WDFY4: variants seen among roughly 807,000 people sequenced by gnomAD.
The protein encoded by WDFY4 is WDFY family member 4.
WDFY4 carries 169 observed loss-of-function variants against 351.9 expected under a neutral mutation model. The observed-to-expected ratio is 0.48, with a 90% confidence interval of 0.42 to 0.55. WDFY4 has a LOEUF of 0.55. WDFY4 is among the 20% of genes least tolerant of loss of function. WDFY4 has a pLI of 0.00. For synonymous variants in WDFY4, 1,622 were observed against 1,574.6 expected (o/e 1.03, Z -0.71); for missense variants, 3,803 against 3,935.6 (o/e 0.97, Z 0.90).
At position 48,982,579 on chromosome 10, in the gene WDFY4, G is replaced by T. The variant is rs1469038828; in HGVS notation, c.*4G>T. 5.8e-6 allele frequency: 9 copies of T among 1,549,862 alleles called. No individual in the cohort carries two copies. In the East Asian group the frequency reaches 1.2e-4, roughly 21 times the overall value. On this transcript the variant is annotated 3_prime_UTR_variant, in exon 62 of 62. Transcript: ENST00000325239. ...CTGCTGGTCTGCAGATGGGTAGGAA[G>T]AGAGAGGCAGCAGAGGCTCTGGCAC... is the stretch of plus-strand genomic sequence containing the variant.
Position 48,826,844 on chromosome 10 carries a change from C to T in WDFY4, c.6156C>T (p.Thr2052=), listed in dbSNP as rs369763093. 174 of 1,551,720 alleles carry T rather than the reference C, an allele frequency of 1.1e-4. No individual in the cohort carries two copies. Among genetic ancestry groups the T allele is most frequent in the Middle Eastern group, 1.7e-4 (1 of 6,014 alleles). ...AGCACTGGGATGTTGTCTTTGCCACCTACAATTCCAACATCAGCTTCCTCC... is the reference window on the plus strand; with the variant it reads ...AGCACTGGGATGTTGTCTTTGCCACTTACAATTCCAACATCAGCTTCCTCC... The part of the protein sequence containing the change: ...LQEHWDVVFA[T]YNSNISFLLC... Residue 2052 remains threonine (T), a synonymous_variant, in exon 36 of 62, where the codon ACC becomes ACT. Coordinates refer to ENST00000325239, the MANE Select transcript of WDFY4 (RefSeq NM_001394531.1).
chr10:48,803,198 C>A, intron 24 of WDFY4, 88 bp from the exon 25 acceptor site: 4 of 1,280,630 alleles, frequency 3.1e-6, no homozygotes, highest in South Asian at 1.3e-5. Context: ...CAGAGGATCA[C>A]CTGTCCAGCA....
chr10:48,910,253 C>T lies in WDFY4; in HGVS notation c.7586+8390C>T, dbSNP rs764699947. 3.0e-5 allele frequency: 49 copies of T among 1,612,114 alleles called. No individual in the cohort carries two copies. Among genetic ancestry groups the T allele is most frequent in the Admixed American group, 3.3e-5 (2 of 59,956 alleles). ...ACAGCTACTCTAGGAAGATGTCAAG[C>T]GTATTCTGGGGATGGAGACACAAGA... is the stretch of plus-strand genomic sequence containing the variant. On this transcript the variant is annotated intron_variant, in intron 47 of 61. Transcript: ENST00000325239.
chr10:48,826,634 C>A (rs2068020607), intron 35 of WDFY4, 37 bp from the exon 36 acceptor site: 1 of 1,481,774 alleles, frequency 6.7e-7, no homozygotes, highest in African/African-American at 1.4e-5. Flanking sequence ...AAAGCACTCA[C>A]AAGTTTGTGT....
chr10:48,977,477 C>T (rs1180978550), intron 59 of WDFY4, among the ~76,000 whole-genome samples: 1 of 151,944 alleles, frequency 6.6e-6, no homozygotes, highest in African/African-American at 2.4e-5. Context: ...ATGTATCCCT[C>T]CATGTATCCA....
At chr10:48,975,126 G>A (rs867346317) in intron 58 of WDFY4, 85 bp downstream of exon 58, 1 of 1,533,314 alleles carries the variant, frequency 6.5e-7, no homozygotes, top group East Asian at 2.4e-5. Context: ...CAGAGACACA[G>A]AGACTCTAGC....
Position 48,736,025 on chromosome 10 carries a change from C to G in WDFY4, c.1833C>G (p.Cys611Trp). 6.4e-7 allele frequency: 1 copy of G among 1,551,834 alleles called. No homozygotes were observed. The highest frequency in any genetic ancestry group is 1.2e-5 in the South Asian group (1 of 84,066). The change falls in exon 11 of 62, where the codon TGC becomes TGG. Residue 611 changes from cysteine to tryptophan, a missense_variant. Transcript: ENST00000325239. ...EYMSIIVGAL[C>W]SSTQGELQLK... is the part of the protein sequence containing the mutation. ...TGAGCATCATTGTGGGTGCTCTATG[C>G]TCATCCACTCAAGGGGAGCTGCAGC...
chr10:48,892,842 G>T (rs1836882697), intron 44 of WDFY4, among the ~76,000 whole-genome samples: 1 of 152,168 alleles, frequency 6.6e-6, no homozygotes, highest in Admixed American at 6.5e-5. Context: ...TTTGCACTTT[G>T]CACTTTGGAA....
intron 15 of WDFY4, 101 bp downstream of exon 15, chr10:48,775,907 T>G: frequency 9.0e-7 from 1 of 1,116,690 alleles, no homozygotes; most frequent in Admixed American, 2.1e-5. Flanking sequence ...GCAAACAGGT[T>G]TAAACATGGT....
At chr10:48,725,023 G>T (rs1373119598) in intron 5 of WDFY4, among the ~76,000 whole-genome samples, 1 of 152,182 alleles carries the variant, frequency 6.6e-6, no homozygotes, top group Admixed American at 6.5e-5. Flanking sequence ...CAGGGTCTGA[G>T]GAGGTAGTGT....
intron 51 of WDFY4, among the ~76,000 whole-genome samples, chr10:48,955,623 G>A (rs1841550525): frequency 6.6e-6 from 1 of 152,236 alleles, no homozygotes; most frequent in African/African-American, 2.4e-5. Flanking sequence ...AGTGTACTTT[G>A]AGGAGCCTCC....
intron 29 of WDFY4, 63 bp from the exon 30 acceptor site, chr10:48,811,476 G>T: frequency 6.8e-7 from 1 of 1,478,236 alleles, no homozygotes; most frequent in Non-Finnish European, 9.2e-7. Context: ...TGTGTGTCCA[G>T]GCCCCACCTT....
At chr10:48,737,053 C>G (rs755130051) in intron 11 of WDFY4, among the ~76,000 whole-genome samples, 1 of 152,176 alleles carries the variant, frequency 6.6e-6, no homozygotes, top group Non-Finnish European at 1.5e-5. Flanking sequence ...TGTTGCTGTT[C>G]CTTTTTTACA....
chr10:48,731,508 C>T lies in WDFY4; in HGVS notation c.1528C>T (p.Leu510=). The T allele has an allele frequency of 6.4e-7, 1 of 1,551,514 alleles. No homozygotes were observed. The highest frequency in any genetic ancestry group is 8.7e-7 in the Non-Finnish European group (1 of 1,146,984). The change falls in exon 9 of 62, where the codon CTG becomes TTG. Residue 510 remains leucine, a synonymous_variant. Coordinates refer to ENST00000325239, the MANE Select transcript of WDFY4 (RefSeq NM_001394531.1). ...CGACATCTTCCGGGACTCAGGGCTC[C>T]TGGGCCTGCTACTGGCACAGCTTCG... is the stretch of plus-strand genomic sequence containing the variant. ...FTDIFRDSGL[L]GLLLAQLRKQ... is the part of the protein sequence containing the mutation.
chr10:48,913,498 T>C, intron 47 of WDFY4: 1 of 1,613,934 alleles, frequency 6.2e-7, no homozygotes, highest in Non-Finnish European at 8.5e-7. Context: ...CTATTCAGGT[T>C]GTCCCGGGCG....
intron 12 of WDFY4, among the ~76,000 whole-genome samples, chr10:48,756,447 C>T (rs1027045690): frequency 4.0e-5 from 6 of 151,846 alleles, no homozygotes. Context: ...AAGACAATCT[C>T]ATCGTCTGTG....
At chr10:48,969,361 AC>A in intron 56 of WDFY4, 113 bp downstream of exon 56, 2 of 1,307,646 alleles carry the variant, frequency 1.5e-6, no homozygotes, top group Non-Finnish European at 2.1e-6. Context: ...CACTTTCCCT[AC>A]AAGGTGTGCT....
At chr10:48,732,641 T>A (rs2064503981) in intron 9 of WDFY4, among the ~76,000 whole-genome samples, 1 of 152,244 alleles carries the variant, frequency 6.6e-6, no homozygotes, top group Non-Finnish European at 1.5e-5. Context: ...ACGAGCCGTG[T>A]CTTCCTCGGT....
chr10:48,882,930 G>A (rs1241216636), intron 43 of WDFY4, among the ~76,000 whole-genome samples: 1 of 152,206 alleles, frequency 6.6e-6, no homozygotes, highest in African/African-American at 2.4e-5. Context: ...CAGAGCCCAG[G>A]GTGGCTACTC....
Sources: gnomAD v4.1 joint callset for allele counts (sites outside exome capture counted in the v4.1 genomes callset) on GRCh38, gnomAD v4.1.1 for gene constraint, MANE v1.5 for transcripts, NCBI Gene and HGNC (gene_info 2026-07-23, HGNC 2026-07-21) for gene names.